CFAP299: variants seen among roughly 807,000 people sequenced by gnomAD.
CFAP299 encodes cilia- and flagella-associated protein 299.
A neutral mutation model predicts 27.0 loss-of-function variants in CFAP299; 21 were observed. That is an observed-to-expected ratio of 0.78 (90% confidence interval 0.55 to 1.12). CFAP299 has a LOEUF of 1.12. CFAP299 is among the 50% of genes most tolerant of loss of function. The probability of loss-of-function intolerance (pLI) is 0.00; values close to 1 mark genes in which losing one functional copy is unlikely to be tolerated. For synonymous variants in CFAP299, 104 were observed against 98.1 expected (o/e 1.06, Z -0.36); for missense variants, 310 against 276.6 (o/e 1.12, Z -0.86).
chr4:80,585,769 T>A (rs1252688221), intron 3 of CFAP299, among the ~76,000 whole-genome samples: 1 of 152,006 alleles, frequency 6.6e-6, no homozygotes, highest in African/African-American at 2.4e-5. Context: ...GACAGGGAGG[T>A]CAACTGAGAG....
At chr4:80,373,512 T>C (rs1724256610) in intron 2 of CFAP299, among the ~76,000 whole-genome samples, 1 of 152,204 alleles carries the variant, frequency 6.6e-6, no homozygotes, top group Non-Finnish European at 1.5e-5. Flanking sequence ...GCTTTTTTAC[T>C]GGAATGGCTG....
intron 2 of CFAP299, among the ~76,000 whole-genome samples, chr4:80,395,578 A>G (rs1725735773): frequency 2.0e-5 from 3 of 152,120 alleles, no homozygotes; most frequent in Admixed American, 6.6e-5. Flanking sequence ...TTATCATAAA[A>G]GTATTTAAAA....
At chr4:80,418,151 GTCTGGGACAA>G (rs1727107801) in intron 2 of CFAP299, among the ~76,000 whole-genome samples, 1 of 152,142 alleles carries the variant, frequency 6.6e-6, no homozygotes, top group Non-Finnish European at 1.5e-5. Context: ...CCACTGCACA[GTCTGGGACAA>G]TATACATGGA....
At chr4:80,753,307 A>C (rs1344723597) in intron 3 of CFAP299, among the ~76,000 whole-genome samples, 1 of 152,058 alleles carries the variant, frequency 6.6e-6, no homozygotes, top group Non-Finnish European at 1.5e-5. Context: ...CATCTTAGAG[A>C]TATTACTTCA....
At chr4:80,402,426 A>G (rs1245279299) in intron 2 of CFAP299, among the ~76,000 whole-genome samples, 1 of 152,170 alleles carries the variant, frequency 6.6e-6, no homozygotes, top group East Asian at 1.9e-4. Context: ...GCGAATAAGT[A>G]TCATGAGATC....
chr4:80,622,350 C>T (rs1738650094), intron 3 of CFAP299, among the ~76,000 whole-genome samples: 1 of 152,114 alleles, frequency 6.6e-6, no homozygotes, highest in South Asian at 2.1e-4. Context: ...GTTAAATCAA[C>T]ACAGAGTGAT....
intron 2 of CFAP299, among the ~76,000 whole-genome samples, chr4:80,413,300 G>T (rs1437819962): frequency 6.6e-6 from 1 of 152,224 alleles, no homozygotes; most frequent in Non-Finnish European, 1.5e-5. Flanking sequence ...TTAGGTGATT[G>T]TGAAAGCAGC....
intron 5 of CFAP299, among the ~76,000 whole-genome samples, chr4:80,949,930 G>C (rs1277972034): frequency 6.6e-6 from 1 of 151,906 alleles, no homozygotes; most frequent in Non-Finnish European, 1.5e-5. Context: ...GGGAGGAAAA[G>C]CTGGAGAAGA....
chr4:80,863,771 G>C (rs1732525358), intron 3 of CFAP299, among the ~76,000 whole-genome samples: 1 of 151,698 alleles, frequency 6.6e-6, no homozygotes. Flanking sequence ...AGGATTAAAG[G>C]GTTTTATCTA....
intron 3 of CFAP299, among the ~76,000 whole-genome samples, chr4:80,676,636 T>C (rs538205663): frequency 4.5e-4 from 69 of 152,284 alleles, no homozygotes; most frequent in African/African-American, 1.6e-3. Context: ...GATTACTCAT[T>C]ATTGGTTTGT....
intron 3 of CFAP299, among the ~76,000 whole-genome samples, chr4:80,794,255 T>C (rs1727728859): frequency 6.6e-6 from 1 of 152,164 alleles, no homozygotes; most frequent in African/African-American, 2.4e-5. Flanking sequence ...CATTGTTGTG[T>C]CTCCTGGTGG....
At chr4:80,448,477 G>A (rs182186087) in intron 2 of CFAP299, among the ~76,000 whole-genome samples, 1 of 152,158 alleles carries the variant, frequency 6.6e-6, no homozygotes. Flanking sequence ...ATATCCATTT[G>A]TATTTTCTTA....
At chr4:80,887,981 T>TA (rs1010631467) in intron 4 of CFAP299, among the ~76,000 whole-genome samples, 2 of 151,292 alleles carry the variant, frequency 1.3e-5, no homozygotes, top group African/African-American at 4.9e-5. Context: ...AATGGGCATA[T>TA]AAAAAAATAA....
intron 3 of CFAP299, among the ~76,000 whole-genome samples, chr4:80,639,409 G>T (rs1336637675): frequency 6.6e-6 from 1 of 152,116 alleles, no homozygotes; most frequent in African/African-American, 2.4e-5. Context: ...ATAGGTAAGG[G>T]GATATAAAAA....
intron 4 of CFAP299, among the ~76,000 whole-genome samples, chr4:80,877,182 C>T (rs1733424127): frequency 6.6e-6 from 1 of 152,170 alleles, no homozygotes; most frequent in Admixed American, 6.5e-5. Context: ...CTCATATCCT[C>T]TGAACTGTGG....
chr4:80,408,140 C>T (rs9917963), intron 2 of CFAP299, among the ~76,000 whole-genome samples: 144,484 of 152,266 alleles, frequency 0.95, 69,022 homozygotes, highest in East Asian at 1. Context: ...ATAATTTCTA[C>T]TGGGCACATG....
chr4:80,739,991 A>G (rs1724161265), intron 3 of CFAP299, among the ~76,000 whole-genome samples: 1 of 151,982 alleles, frequency 6.6e-6, no homozygotes, highest in Non-Finnish European at 1.5e-5. Context: ...AAACTCTAAC[A>G]TTTCTGCTTT....
intron 4 of CFAP299, among the ~76,000 whole-genome samples, chr4:80,936,334 G>A (rs975799784): frequency 1.3e-5 from 2 of 152,170 alleles, no homozygotes; most frequent in African/African-American, 4.8e-5. Flanking sequence ...ATAAATGCAT[G>A]TGTATGTTCA....
At position 80,457,247 on chromosome 4, in the gene CFAP299, G is replaced by A. The variant is rs1244874636; in HGVS notation, c.242+94363G>A. Among the ~76,000 whole-genome samples the A allele has an allele frequency of 3.3e-5, 5 of 152,270 alleles. No individual in the cohort carries two copies. The South Asian group carries it at 1.0e-3, about 32-fold the overall frequency. ...TTTTCCACAACAAAAAAATCATATG[G>A]GAAGTTGAATAAGTATCTTTGTTAT... On this transcript the variant is annotated intron_variant, in intron 2 of 5. Transcript: ENST00000358105.
Sources: allele counts gnomAD v4.1 joint callset (sites outside exome capture counted in the v4.1 genomes callset), GRCh38; gene constraint gnomAD v4.1.1; transcripts MANE v1.5; gene names NCBI Gene and HGNC (gene_info 2026-07-23, HGNC 2026-07-21).